The following KHDRBS2 variants were observed in gnomAD, a reference collection of about 807,000 sequenced individuals.
KHDRBS2 encodes the protein KH domain-containing, RNA-binding, signal transduction-associated protein 2.
In KHDRBS2, 26 loss-of-function variants were observed where a neutral mutation model predicts 44.3. The ratio of observed to expected loss-of-function variants is 0.59; its 90% CI spans 0.43 to 0.81. KHDRBS2 has a LOEUF of 0.81. Among genes scored for constraint, KHDRBS2 ranks in the 40% least tolerant of loss-of-function variants. KHDRBS2 has a pLI of 0.00. For missense variants in KHDRBS2, 476 were observed against 433.1 expected, an observed-to-expected ratio of 1.10 and a Z score of -0.88; for synonymous variants, 194 against 151.1, an observed-to-expected ratio of 1.28 and a Z score of -2.08.
At chr6:62,012,684 C>T (rs1268990519) in intron 3 of KHDRBS2, among the ~76,000 whole-genome samples, 2 of 152,254 alleles carry the variant, frequency 1.3e-5, no homozygotes, top group East Asian at 1.9e-4. Context: ...TTCTGACCCT[C>T]ACATGGCTGG....
In KHDRBS2 at chr6:61,749,632, T is replaced by C. The variant is rs181914963; in HGVS notation, c.811-16868A>G. On this transcript the variant is annotated intron_variant, in intron 6 of 8. Coordinates refer to ENST00000281156, the MANE Select transcript of KHDRBS2 (RefSeq NM_152688.4). ...TGATTCAGTTTTTCAATAAATGAGATGAACTAGTAGCTTGGATGACATTTT... is the reference window on the plus strand; with the variant it reads ...TGATTCAGTTTTTCAATAAATGAGACGAACTAGTAGCTTGGATGACATTTT... Among the ~76,000 whole-genome samples, 7 of 152,332 alleles carry C rather than the reference T, an allele frequency of 4.6e-5. No individual in the cohort carries two copies. In the East Asian group the frequency reaches 9.6e-4, roughly 21 times the overall value.
the KHDRBS2 span, among the ~76,000 whole-genome samples, chr6:61,646,793 A>G: frequency 6.6e-6 from 1 of 152,110 alleles, no homozygotes; most frequent in African/African-American, 2.4e-5. Flanking sequence ...GAACAAGCAG[A>G]AAATGAATAT....
chr6:61,926,492 A>G lies in KHDRBS2; in HGVS notation c.484-25121T>C, dbSNP rs73489426. ...TTTATATAACATGCTAGAAGATGGA[A>G]AACAAAAACGGACCAATTCAGAGTG... On this transcript the variant is annotated intron_variant, in intron 4 of 8. Transcript: ENST00000281156. 5.7e-3 allele frequency among the ~76,000 whole-genome samples: 869 copies of G among 152,244 alleles called. 10 individuals are homozygous for G. The highest frequency in any genetic ancestry group is 0.019 in the African/African-American group (799 of 41,552).
chr6:61,600,467 T>A, the KHDRBS2 span, among the ~76,000 whole-genome samples: 1 of 151,962 alleles, frequency 6.6e-6, no homozygotes, highest in Non-Finnish European at 1.5e-5. Context: ...AACAACCCCC[T>A]TTGACTGTAA....
At chr6:62,073,362 T>A (rs1361839524) in intron 2 of KHDRBS2, among the ~76,000 whole-genome samples, 1 of 151,648 alleles carries the variant, frequency 6.6e-6, no homozygotes, top group Non-Finnish European at 1.5e-5. Flanking sequence ...GTTTGTAATA[T>A]TCTTTCATAA....
At chr6:62,062,257 T>C (rs1189762702) in intron 2 of KHDRBS2, among the ~76,000 whole-genome samples, 2 of 148,686 alleles carry the variant, frequency 1.3e-5, no homozygotes, top group Non-Finnish European at 3.0e-5. Flanking sequence ...GGAATTGAAC[T>C]CAGCTCTGCA....
chr6:61,840,125 T>C (rs932056088), intron 6 of KHDRBS2, among the ~76,000 whole-genome samples: 1 of 152,118 alleles, frequency 6.6e-6, no homozygotes, highest in African/African-American at 2.4e-5. Context: ...TTCTACATCA[T>C]TTTCAATTCA....
chr6:62,084,509 G>A (rs538579194), intron 2 of KHDRBS2, among the ~76,000 whole-genome samples: 1 of 152,224 alleles, frequency 6.6e-6, no homozygotes, highest in East Asian at 1.9e-4. Context: ...TCAGAGATTA[G>A]CATTTTCCCA....
At chr6:62,272,765 A>G (rs539835736) in intron 1 of KHDRBS2, among the ~76,000 whole-genome samples, 1 of 152,326 alleles carries the variant, frequency 6.6e-6, no homozygotes, top group South Asian at 2.1e-4. Context: ...GAACAGTCCT[A>G]TAAAAGGAGT....
At chr6:61,637,329 C>T in the KHDRBS2 span, among the ~76,000 whole-genome samples, 28 of 152,148 alleles carry the variant, frequency 1.8e-4, no homozygotes, top group Non-Finnish European at 2.8e-4. Context: ...TGATGGTTTC[C>T]AGTTTCATCC....
chr6:62,125,349 G>A (rs1808713588), intron 2 of KHDRBS2, among the ~76,000 whole-genome samples: 1 of 152,188 alleles, frequency 6.6e-6, no homozygotes, highest in Non-Finnish European at 1.5e-5. Flanking sequence ...CAGAACCTGA[G>A]TTTCAGTAAG....
At chr6:61,849,612 A>T (rs1438262080) in intron 6 of KHDRBS2, among the ~76,000 whole-genome samples, 3 of 151,746 alleles carry the variant, frequency 2.0e-5, no homozygotes, top group Non-Finnish European at 2.9e-5. Flanking sequence ...CTGACAAGTA[A>T]TGTACTTCAG....
intron 3 of KHDRBS2, among the ~76,000 whole-genome samples, chr6:62,026,443 T>A (rs1030974592): frequency 1.4e-5 from 2 of 147,054 alleles, no homozygotes; most frequent in South Asian, 2.1e-4. Flanking sequence ...TTATTATTTT[T>A]TTTTTTGGAG....
At chr6:61,577,137 T>G in the KHDRBS2 span, among the ~76,000 whole-genome samples, 611 of 150,902 alleles carry the variant, frequency 4.0e-3, 4 homozygotes, top group African/African-American at 0.013. Context: ...GTTTTTGTTT[T>G]TTTTGTTTTT....
At chr6:62,185,090 A>G (rs1823151261) in intron 1 of KHDRBS2, among the ~76,000 whole-genome samples, 1 of 151,872 alleles carries the variant, frequency 6.6e-6, no homozygotes, top group African/African-American at 2.4e-5. Context: ...CTTTCAAATG[A>G]TGTTATTATA....
chr6:61,703,539 G>T lies in KHDRBS2; in HGVS notation c.894-6286C>A, dbSNP rs1769016685. Among the ~76,000 whole-genome samples the T allele has an allele frequency of 2.0e-5, 3 of 151,920 alleles. No individual in the cohort carries two copies. The South Asian group carries it at 6.2e-4, about 31-fold the overall frequency. On this transcript the variant is annotated intron_variant, in intron 7 of 8. Transcript: ENST00000281156. ...TGTGCATTTATATTGTATTGATAGA[G>T]ATATTAGTCAAGCAAAGATAAATTT...
chr6:61,918,659 T>C (rs1419852740), intron 4 of KHDRBS2, among the ~76,000 whole-genome samples: 1 of 151,948 alleles, frequency 6.6e-6, no homozygotes, highest in Non-Finnish European at 1.5e-5. Context: ...AGTGTTCCGT[T>C]AGGACAGTCT....
intron 6 of KHDRBS2, among the ~76,000 whole-genome samples, chr6:61,762,371 G>A (rs1367124853): frequency 1.3e-5 from 2 of 152,214 alleles, no homozygotes; most frequent in South Asian, 2.1e-4. Context: ...TTGAGCCTTC[G>A]AAACACATGT....
At chr6:61,910,690 G>A (rs1009231876) in intron 4 of KHDRBS2, among the ~76,000 whole-genome samples, 6 of 152,086 alleles carry the variant, frequency 3.9e-5, no homozygotes, top group Non-Finnish European at 7.4e-5. Context: ...TTGTGAATGA[G>A]CAACAAAAAA....
Sources: allele counts gnomAD v4.1 joint callset (sites outside exome capture counted in the v4.1 genomes callset), GRCh38; gene constraint gnomAD v4.1.1; transcripts MANE v1.5; gene names NCBI Gene and HGNC (gene_info 2026-07-23, HGNC 2026-07-21).